The following RBFOX3 variants were observed in gnomAD, a reference collection of about 807,000 sequenced individuals.
RBFOX3 encodes RNA binding fox-1 homolog 3.
A neutral mutation model predicts 48.7 loss-of-function variants in RBFOX3; 17 were observed. The observed-to-expected ratio is 0.35, with a 90% CI of 0.24 to 0.52. The LOEUF (loss-of-function observed/expected upper bound fraction) is 0.52, where lower values mean the gene tolerates loss of function less well. Ranked by LOEUF, RBFOX3 falls within the 20% of genes least tolerant of loss-of-function variation. RBFOX3 has a pLI of 0.94. For missense variants in RBFOX3, 382 were observed against 497.5 expected, an observed-to-expected ratio of 0.77 and a Z score of 2.21; for synonymous variants, 212 against 209.5, an observed-to-expected ratio of 1.01 and a Z score of -0.10.
intron 2 of RBFOX3, among the ~76,000 whole-genome samples, chr17:79,372,956 G>T (rs2058751857): frequency 6.6e-6 from 1 of 152,156 alleles, no homozygotes; most frequent in South Asian, 2.1e-4. Flanking sequence ...CAGGAGTCAG[G>T]GGCTGATAAG....
At chr17:79,282,473 C>G (rs1313696773) in intron 3 of RBFOX3, among the ~76,000 whole-genome samples, 1 of 152,100 alleles carries the variant, frequency 6.6e-6, no homozygotes. Flanking sequence ...CAGCTTGTAC[C>G]CAGCCTGAAC....
chr17:79,221,895 A>T (rs573053234), intron 4 of RBFOX3, among the ~76,000 whole-genome samples: 5 of 152,292 alleles, frequency 3.3e-5, no homozygotes, highest in African/African-American at 1.2e-4. Flanking sequence ...GCCTGGCAGG[A>T]GCGGGGAAGG....
At chr17:79,611,163 T>G (rs1310390879), upstream of RBFOX3, among the ~76,000 whole-genome samples, 10 of 24,042 alleles carry the variant, frequency 4.2e-4, 1 homozygote, top group South Asian at 3.9e-3. Flanking sequence ...TCTCTCTCTC[T>G]CTCTCTCTCT....
chr17:79,148,261 C>T (rs2043487232), intron 4 of RBFOX3, among the ~76,000 whole-genome samples: 1 of 152,246 alleles, frequency 6.6e-6, no homozygotes, highest in Admixed American at 6.5e-5. Context: ...GTCCCTTCTC[C>T]AGCCTCCCAA....
intron 10 of RBFOX3, 95 bp from the exon 11 acceptor site, chr17:79,097,519 C>T (rs995705296): frequency 3.5e-6 from 5 of 1,417,154 alleles, no homozygotes; most frequent in African/African-American, 1.5e-5. Context: ...CGCACCTAGC[C>T]CCCAACCCCT....
intron 1 of RBFOX3, among the ~76,000 whole-genome samples, chr17:79,486,446 C>T (rs930931283): frequency 6.6e-6 from 1 of 152,178 alleles, no homozygotes; most frequent in African/African-American, 2.4e-5. Flanking sequence ...AGGGGAAAAG[C>T]CCCTGCAGCC....
At chr17:79,620,482 CACGTGCACACACGCGCACACACAT>C in the RBFOX3 span, among the ~76,000 whole-genome samples, 1 of 144,494 alleles carries the variant, frequency 6.9e-6, no homozygotes, top group African/African-American at 2.7e-5. Flanking sequence ...TGCACACACG[CACGTGCACACACGCGCACACACAT>C]GCGCATACGT....
chr17:79,115,491 T>C lies in RBFOX3; in HGVS notation c.222+3A>G. 7.5e-7 allele frequency: 1 copy of C among 1,325,802 alleles called. No homozygotes were observed. The highest frequency in any genetic ancestry group is 1.5e-5 in the African/African-American group (1 of 65,396). The allele number at this position is 1,325,802 out of a possible 1,614,324, so 82.1% of individuals were successfully genotyped here. ...CTGGGCCTGGGGTCGTGGGGGCCCT[T>C]ACCGGCACTGTCTGGGTCCCGGCGA... On this transcript the variant is annotated splice_donor_region_variant and intron_variant, in intron 5 of 14. Coordinates refer to ENST00000693108, the MANE Select transcript of RBFOX3 (RefSeq NM_001350451.2).
In RBFOX3 at chr17:79,480,292, T is replaced by C. The variant is rs2078592371; in HGVS notation, c.-175+2162A>G. On this transcript the variant is annotated intron_variant, in intron 2 of 14. Transcript: ENST00000693108. The surrounding 1 kb of genome is among the most constrained non-coding windows in gnomAD (Gnocchi z 4.8). ...GAGGGGAGTTGTTTAAGGGTTTATC[T>C]CAGACATGGGCCCAGATCCACCACT... 6.6e-6 allele frequency among the ~76,000 whole-genome samples: 1 copy of C among 152,068 alleles called. No individual in the cohort carries two copies.
At chr17:79,629,859 G>A in the RBFOX3 span, among the ~76,000 whole-genome samples, 1 of 152,156 alleles carries the variant, frequency 6.6e-6, no homozygotes, top group South Asian at 2.1e-4. Context: ...ACCATTAAAT[G>A]AAAAGATTTA....
intron 2 of RBFOX3, among the ~76,000 whole-genome samples, chr17:79,460,765 T>C (rs1017309165): frequency 6.6e-6 from 1 of 152,208 alleles, no homozygotes; most frequent in African/African-American, 2.4e-5. Flanking sequence ...TTGCTCATGC[T>C]CTTTTGCCCT....
At chr17:79,233,552 A>G (rs186033047) in intron 4 of RBFOX3, 1 of 152,292 alleles carries the variant, frequency 6.6e-6, no homozygotes, top group East Asian at 1.9e-4. Flanking sequence ...CAACGTGCAA[A>G]AATCCAAGTT....
rs1365588108 is a variant in RBFOX3 at position 79,486,048 on chromosome 17, G to A, written c.-319-3450C>T. ...CCCACGCCCCACCCCTTGGTGCTGC[G>A]GGGTTTAGGGGACCTCAGGGCTCGC... On this transcript the variant is annotated intron_variant, in intron 1 of 14. Coordinates refer to ENST00000693108, the MANE Select transcript of RBFOX3 (RefSeq NM_001350451.2). 5.9e-5 allele frequency among the ~76,000 whole-genome samples: 9 copies of A among 152,266 alleles called. 1 individual carries two copies. Among genetic ancestry groups the A allele is most frequent in the Admixed American group, 1.3e-4 (2 of 15,288 alleles).
At chr17:79,497,661 C>A (rs1477869448) in intron 1 of RBFOX3, among the ~76,000 whole-genome samples, 1 of 152,196 alleles carries the variant, frequency 6.6e-6, no homozygotes, top group Non-Finnish European at 1.5e-5. Context: ...TCCCAGCCCC[C>A]CAGCTGGCTG....
chr17:79,400,069 G>A (rs578042706), intron 2 of RBFOX3, among the ~76,000 whole-genome samples: 2 of 152,248 alleles, frequency 1.3e-5, no homozygotes, highest in African/African-American at 4.8e-5. Flanking sequence ...CTGCCCCTGG[G>A]ATCAGGATCG....
intron 4 of RBFOX3, among the ~76,000 whole-genome samples, chr17:79,194,814 T>C (rs2055242929): frequency 6.6e-6 from 1 of 151,366 alleles, no homozygotes; most frequent in Admixed American, 6.6e-5. Flanking sequence ...CTTGGGACCA[T>C]AAAAAGAGTG....
At chr17:79,094,377 C>T (rs1024609511) in intron 14 of RBFOX3, 74 bp downstream of exon 14, 2 of 1,135,672 alleles carry the variant, frequency 1.8e-6, no homozygotes, top group African/African-American at 1.6e-5. Flanking sequence ...CTCGGCCTCT[C>T]CCCCAAGGGC....
Position 79,605,395 on chromosome 17 carries a change from C to T in RBFOX3, c.-320+5431G>A, listed in dbSNP as rs924637795. ...CAAATGGGATTATTTTCTAAAAGGG[C>T]TAAAATAGACATACCCGGCCACCTT... On this transcript the variant is annotated intron_variant, in intron 1 of 14. Coordinates refer to ENST00000693108, the MANE Select transcript of RBFOX3 (RefSeq NM_001350451.2). Among the ~76,000 whole-genome samples, 194 of 152,256 alleles carry T rather than the reference C, an allele frequency of 1.3e-3. No homozygotes were observed. The East Asian group carries it at 0.027, about 21-fold the overall frequency.
At chr17:79,574,002 C>T (rs2092773147) in intron 1 of RBFOX3, among the ~76,000 whole-genome samples, 1 of 152,220 alleles carries the variant, frequency 6.6e-6, no homozygotes, top group Non-Finnish European at 1.5e-5. Flanking sequence ...GGGGTGCGAG[C>T]CCCCAGGGGT....
Sources: gnomAD v4.1 joint callset for allele counts (sites outside exome capture counted in the v4.1 genomes callset) on GRCh38, gnomAD v4.1.1 for gene constraint, Gnocchi (gnomAD v3.1) non-coding constraint, MANE v1.5 for transcripts, NCBI Gene and HGNC (gene_info 2026-07-23, HGNC 2026-07-21) for gene names.